Variants in PAK6 observed in about 807,000 individuals in gnomAD.
The protein encoded by PAK6 is p21 (RAC1) activated kinase 6, also known as serine/threonine-protein kinase PAK 6.
Under a neutral mutation model 60.8 loss-of-function variants are expected in PAK6, and 33 were observed. The ratio of observed to expected loss-of-function variants is 0.54; its 90% CI spans 0.41 to 0.73. The LOEUF (loss-of-function observed/expected upper bound fraction) is 0.73, where lower values mean the gene tolerates loss of function less well. Among genes scored for constraint, PAK6 ranks in the 30% least tolerant of loss-of-function variants. PAK6 has a pLI of 0.00. For missense variants in PAK6, 845 were observed against 904.1 expected, an observed-to-expected ratio of 0.93 and a Z score of 0.84; for synonymous variants, 404 against 378.5, an observed-to-expected ratio of 1.07 and a Z score of -0.78.
In PAK6 at chr15:40,274,239, G is replaced by A. The variant is rs143844489; in HGVS notation, c.1841G>A (p.Arg614Gln). The A allele has an allele frequency of 3.3e-5, 53 of 1,612,642 alleles. No individual in the cohort carries two copies. Among genetic ancestry groups the A allele is most frequent in the African/African-American group, 2.1e-4 (16 of 74,902 alleles). The change falls in exon 10 of 11, where the codon CGG becomes CAG. Residue 614 changes from arginine (R) to glutamine (Q), a missense_variant. Physicochemically the swap from Arg to Gln is conservative, Grantham distance 43. Coordinates refer to ENST00000560346, the Ensembl canonical transcript of PAK6. ...CCAGTGCAAGCCATGAAGAGGCTCC[G>A]GGACAGCCCCCCACCCAAGCTGAAA...
intron 2 of PAK6, among the ~76,000 whole-genome samples, chr15:40,249,195 G>A (rs2038588971): frequency 6.6e-6 from 1 of 152,136 alleles, no homozygotes; most frequent in Admixed American, 6.5e-5. Flanking sequence ...TCCCATTCAT[G>A]AGGGCTCTGC....
chr15:40,272,369 C>A (rs773501708), exon 6 of PAK6: 1 of 1,613,676 alleles, frequency 6.2e-7, no homozygotes, highest in Non-Finnish European at 8.5e-7. Flanking sequence ...TCCCTCCGCA[C>A]AGCCCCGGCC....
intron 3 of PAK6, chr15:40,258,561 G>C (rs1260482799): frequency 6.6e-6 from 1 of 152,412 alleles, no homozygotes. Context: ...TTCCCTTTCT[G>C]TGTCTGAGAT....
At chr15:40,272,916 G>C in exon 7 of PAK6, 1 of 1,614,134 alleles carries the variant, frequency 6.2e-7, no homozygotes, top group Non-Finnish European at 8.5e-7. Flanking sequence ...AGATGTACAA[G>C]AGCTACCTGG....
chr15:40,256,184 C>CA (rs553731825), intron 3 of PAK6, among the ~76,000 whole-genome samples: 2 of 152,130 alleles, frequency 1.3e-5, no homozygotes, highest in South Asian at 2.1e-4. Flanking sequence ...CTGATCGCGC[C>CA]ACTGCATTTC....
chr15:40,273,833 C>A, intron 9 of PAK6, 157 bp downstream of exon 9: 1 of 911,332 alleles, frequency 1.1e-6, no homozygotes, highest in Non-Finnish European at 1.6e-6. Flanking sequence ...GCTGCTCTTA[C>A]CCAGTGACTT....
chr15:40,265,388 G>GT (rs1371082298), intron 4 of PAK6, among the ~76,000 whole-genome samples: 1 of 152,220 alleles, frequency 6.6e-6, no homozygotes, highest in Admixed American at 6.5e-5. Flanking sequence ...CAAGAGCCTG[G>GT]TAGAAGGTGG....
chr15:40,252,524 T>C (rs970391269), intron 2 of PAK6: 7 of 1,362,980 alleles, frequency 5.1e-6, no homozygotes, highest in African/African-American at 1.5e-5. Flanking sequence ...CGCCGCGTCC[T>C]ACCTGAGGCC....
intron 3 of PAK6, chr15:40,256,947 TCCATCC>T (rs2038851758): frequency 6.6e-6 from 1 of 152,242 alleles, no homozygotes; most frequent in Non-Finnish European, 1.5e-5. Flanking sequence ...GGTGAATTAA[TCCATCC>T]CTTGTCATCT....
intron 3 of PAK6, chr15:40,258,448 G>A (rs1295013934): frequency 2.0e-5 from 3 of 152,232 alleles, no homozygotes; most frequent in Admixed American, 6.5e-5. Flanking sequence ...AGCCTCATCT[G>A]GATTTGTGGA....
At chr15:40,255,265 A>T (rs1414005871) in intron 3 of PAK6, among the ~76,000 whole-genome samples, 3 of 152,176 alleles carry the variant, frequency 2.0e-5, no homozygotes, top group Non-Finnish European at 4.4e-5. Context: ...GTATTACTGT[A>T]TTCTTTTAAA....
At chr15:40,269,595 C>G (rs1335132055) in intron 5 of PAK6, among the ~76,000 whole-genome samples, 1 of 152,240 alleles carries the variant, frequency 6.6e-6, no homozygotes, top group Non-Finnish European at 1.5e-5. Context: ...TCATCTGGTC[C>G]TTGCTTGTGA....
At chr15:40,249,069 C>A (rs1475615495) in intron 2 of PAK6, among the ~76,000 whole-genome samples, 1 of 152,174 alleles carries the variant, frequency 6.6e-6, no homozygotes, top group Non-Finnish European at 1.5e-5. Flanking sequence ...GCTGGCAGAT[C>A]CGGTGTCTGG....
At chr15:40,264,052 G>C (rs2039053930) in intron 3 of PAK6, 1 of 417,782 alleles carries the variant, frequency 2.4e-6, no homozygotes, top group South Asian at 1.7e-5. Flanking sequence ...TCTTGGCTCA[G>C]GGCCTTTCTG....
intron 10 of PAK6, among the ~76,000 whole-genome samples, chr15:40,275,280 G>GGTTTTTTTTTTTTTTTTT (rs1555389200): frequency 1.8e-5 from 1 of 56,486 alleles, no homozygotes; most frequent in Non-Finnish European, 3.1e-5. Context: ...GTTGTTGTTG[G>GGTTTTTTTTTTTTTTTTT]TTTTTTTTTT....
At chr15:40,268,504 C>T (rs2140985613) in intron 5 of PAK6, among the ~76,000 whole-genome samples, 1 of 152,308 alleles carries the variant, frequency 6.6e-6, no homozygotes, top group Non-Finnish European at 1.5e-5. Flanking sequence ...CCTCCTCCAC[C>T]ACCACCTACC....
Position 40,266,085 on chromosome 15 carries a change from G to A in PAK6, c.448G>A (p.Gly150Ser), listed in dbSNP as rs762930141. The A allele has an allele frequency of 1.1e-5, 18 of 1,610,272 alleles. No homozygotes were observed. In the South Asian group the frequency reaches 1.8e-4, roughly 16 times the overall value. ...CGGCCTCTACCTCAGCTGCAACGGGGGCACACCAGCAGGCCACAAGCAGAT... is the reference window on the plus strand; with the variant it reads ...CGGCCTCTACCTCAGCTGCAACGGGAGCACACCAGCAGGCCACAAGCAGAT... The change falls in exon 5 of 11, where the codon GGC becomes AGC. Residue 150 changes from glycine to serine, a missense_variant. Physicochemically the swap from Gly to Ser is moderately conservative, Grantham distance 56. Transcript: ENST00000560346.
rs2038260956 is a variant in PAK6, at chr15:40,239,662, G to GC, written c.-341_-340insC. 1 of 152,436 alleles carries GC rather than the reference G, an allele frequency of 6.6e-6. No individual in the cohort carries two copies. Among genetic ancestry groups the GC allele is most frequent in the Non-Finnish European group, 1.5e-5 (1 of 68,214 alleles). 9.4% of individuals were successfully genotyped at this position (152,436 alleles called of 1,614,324 possible). On this transcript the variant is annotated 5_prime_UTR_variant, in exon 1 of 11. The change abolishes the stop of an existing upstream ORF in the 5' untranslated region. Coordinates refer to ENST00000560346, the Ensembl canonical transcript of PAK6. ...CTGGAGGTGTTGGGACAGAAGGGCA[G>GC]TCTTGTCCGAGCTGACTGGAGTCCT... is the stretch of plus-strand genomic sequence containing the variant.
At chr15:40,249,466 T>C (rs923999821) in intron 2 of PAK6, among the ~76,000 whole-genome samples, 1 of 152,076 alleles carries the variant, frequency 6.6e-6, no homozygotes, top group Non-Finnish European at 1.5e-5. Flanking sequence ...CTAAGGGAGG[T>C]AGCACAGGTA....
Sources: gnomAD v4.1 joint callset for allele counts (sites outside exome capture counted in the v4.1 genomes callset) on GRCh38, gnomAD v4.1.1 for gene constraint, MANE v1.5 for transcripts, NCBI Gene and HGNC (gene_info 2026-07-23, HGNC 2026-07-21) for gene names.